The following UNC13B variants were observed in gnomAD, a reference collection of about 807,000 sequenced individuals.
UNC13B encodes unc-13 homolog B, also known as protein unc-13 homolog B.
A neutral mutation model predicts 211.0 loss-of-function variants in UNC13B; 144 were observed. The observed-to-expected ratio is 0.68, with a 90% confidence interval of 0.60 to 0.78. UNC13B has a LOEUF of 0.78. UNC13B is among the 30% of genes least tolerant of loss of function. The pLI is 0.00. For missense variants in UNC13B, 1,777 were observed against 2,002.0 expected (o/e 0.89, Z 2.14); for synonymous variants, 709 against 725.8 (o/e 0.98, Z 0.37).
chr9:35,328,870 C>T (rs2131953333), intron 11 of UNC13B, among the ~76,000 whole-genome samples: 2 of 151,722 alleles, frequency 1.3e-5, no homozygotes, highest in Middle Eastern at 6.8e-3. Context: ...TGGGTTCACG[C>T]CATTCTCCTG....
chr9:35,403,304 C>T (rs758711922), intron 38 of UNC13B, 45 bp downstream of exon 38: 1 of 1,607,674 alleles, frequency 6.2e-7, no homozygotes, highest in Non-Finnish European at 8.5e-7. Flanking sequence ...GCCCAGTGGC[C>T]TCACTCATCA....
chr9:35,398,450 G>A, intron 31 of UNC13B, 104 bp from the exon 32 acceptor site: 1 of 1,378,864 alleles, frequency 7.3e-7, no homozygotes, highest in Non-Finnish European at 1.0e-6. Flanking sequence ...CTGCGAGGGA[G>A]GAATAGGCAC....
chr9:35,353,513 G>A (rs955734229), intron 11 of UNC13B: 41 of 1,232,006 alleles, frequency 3.3e-5, no homozygotes, highest in South Asian at 2.1e-4. Context: ...TGGAGTTGGC[G>A]TCTCCACACA....
At chr9:35,352,837 G>A (rs1378762792) in intron 11 of UNC13B, 3 of 1,232,072 alleles carry the variant, frequency 2.4e-6, no homozygotes, top group Non-Finnish European at 3.0e-6. Context: ...CAAAAGAGGA[G>A]GCTTCTGGGA....
At chr9:35,299,164 G>A (rs918869108) in intron 8 of UNC13B, among the ~76,000 whole-genome samples, 1 of 152,002 alleles carries the variant, frequency 6.6e-6, no homozygotes, top group Non-Finnish European at 1.5e-5. Flanking sequence ...CCCAGGAGGC[G>A]GACATTGCAA....
chr9:35,396,763 CCA>C (rs2132348931), intron 27 of UNC13B, 76 bp from the exon 28 acceptor site: 3 of 1,603,604 alleles, frequency 1.9e-6, no homozygotes, highest in Non-Finnish European at 2.6e-6. Context: ...CCCGAGGACC[CCA>C]GTCTGGTGGA....
At chr9:35,335,819 G>A (rs1587645415) in intron 11 of UNC13B, among the ~76,000 whole-genome samples, 1 of 151,906 alleles carries the variant, frequency 6.6e-6, no homozygotes, top group East Asian at 1.9e-4. Flanking sequence ...CCTCCAAGTA[G>A]CTGGGATTAG....
At chr9:35,367,756 T>C (rs2132165004) in intron 12 of UNC13B, among the ~76,000 whole-genome samples, 1 of 152,336 alleles carries the variant, frequency 6.6e-6, no homozygotes, top group South Asian at 2.1e-4. Context: ...TCCGTGCTTC[T>C]TGTTTGGGAG....
chr9:35,274,462 C>T (rs1036147186), intron 7 of UNC13B, among the ~76,000 whole-genome samples: 12 of 152,110 alleles, frequency 7.9e-5, no homozygotes, highest in African/African-American at 2.9e-4. Flanking sequence ...AATCTCTCAC[C>T]ATAATTGAAT....
chr9:35,258,868 T>A (rs1029782718), intron 6 of UNC13B, 125 bp from the exon 7 acceptor site: 3 of 813,050 alleles, frequency 3.7e-6, no homozygotes, highest in Non-Finnish European at 5.8e-6. Context: ...ATGTTCTGTT[T>A]CTGTTCAATA....
At chr9:35,204,746 T>C (rs1021079895) in intron 1 of UNC13B, among the ~76,000 whole-genome samples, 4 of 152,132 alleles carry the variant, frequency 2.6e-5, no homozygotes, top group Admixed American at 2.6e-4. Context: ...GTAGCTAATG[T>C]GTTTGATTTT....
At chr9:35,265,753 A>T (rs555219457) in intron 7 of UNC13B, among the ~76,000 whole-genome samples, 13 of 152,294 alleles carry the variant, frequency 8.5e-5, no homozygotes, top group African/African-American at 3.1e-4. Flanking sequence ...TCCAAGCAAC[A>T]TAGTGAGACC....
In UNC13B at chr9:35,378,276, A is replaced by T; in HGVS notation, c.10064-19A>T. On this transcript the variant is annotated intron_variant, in intron 16 of 39. Transcript: ENST00000635942. Reference sequence around the variant, plus strand: ...CTTCTGAACGACTCTGAAGCCTCCTATACATGCTTGGGTTGCAGTGGTGTG... The same window carrying T: ...CTTCTGAACGACTCTGAAGCCTCCTTTACATGCTTGGGTTGCAGTGGTGTG... 6.2e-7 allele frequency: 1 copy of T among 1,614,096 alleles called. No individual in the cohort carries two copies. Among genetic ancestry groups the T allele is most frequent in the Non-Finnish European group, 8.5e-7 (1 of 1,179,976 alleles).
At chr9:35,186,489 A>G (rs1438229955) in intron 1 of UNC13B, among the ~76,000 whole-genome samples, 4 of 152,212 alleles carry the variant, frequency 2.6e-5, no homozygotes, top group Admixed American at 6.5e-5. Context: ...GGGGTTTGTC[A>G]TCTTGCACCA....
intron 11 of UNC13B, among the ~76,000 whole-genome samples, chr9:35,318,520 C>T (rs984737545): frequency 3.3e-5 from 5 of 152,084 alleles, no homozygotes; most frequent in African/African-American, 7.2e-5. Flanking sequence ...CTTCTTTACC[C>T]GTTTTTATAC....
At chr9:35,274,670 C>T (rs565771129) in intron 7 of UNC13B, among the ~76,000 whole-genome samples, 2 of 152,282 alleles carry the variant, frequency 1.3e-5, no homozygotes, top group Admixed American at 6.5e-5. Context: ...TTATTGAACT[C>T]TCTCCTGATG....
At chr9:35,243,207 T>C in intron 5 of UNC13B, 84 bp from the exon 6 acceptor site, 4 of 1,372,694 alleles carry the variant, frequency 2.9e-6, no homozygotes, top group Non-Finnish European at 4.1e-6. Flanking sequence ...ACTTCAGTCA[T>C]TAGACAGAGT....
chr9:35,231,757 GA>G (rs2131507039), intron 3 of UNC13B, among the ~76,000 whole-genome samples: 1 of 152,114 alleles, frequency 6.6e-6, no homozygotes, highest in African/African-American at 2.4e-5. Context: ...AATATTAGTA[GA>G]ATTTCTCGTG....
intron 13 of UNC13B, among the ~76,000 whole-genome samples, chr9:35,372,260 A>C (rs985713113): frequency 6.6e-6 from 1 of 152,214 alleles, no homozygotes; most frequent in Admixed American, 6.5e-5. Context: ...CGACAGTGCA[A>C]GACTCTGTCT....
Sources: allele counts gnomAD v4.1 joint callset (sites outside exome capture counted in the v4.1 genomes callset), GRCh38; gene constraint gnomAD v4.1.1; transcripts MANE v1.5; gene names NCBI Gene and HGNC (gene_info 2026-07-23, HGNC 2026-07-21).